ZC2HC1B: variants seen among roughly 807,000 people sequenced by gnomAD.
The protein encoded by ZC2HC1B is zinc finger C2HC-type containing 1B.
ZC2HC1B carries 36 observed loss-of-function variants against 31.0 expected under a neutral mutation model. That is an observed-to-expected ratio of 1.16 (90% CI 0.89 to 1.54). ZC2HC1B has a LOEUF of 1.54. ZC2HC1B is among the 40% of genes most tolerant of loss of function. The pLI, the probability that ZC2HC1B is intolerant of heterozygous loss-of-function variation, is 0.00. For synonymous variants in ZC2HC1B, 73 were observed against 88.0 expected (o/e 0.83, Z 0.95); for missense variants, 260 against 268.6 (o/e 0.97, Z 0.22).
In ZC2HC1B at chr6:143,885,074, T is replaced by C. The variant is rs1287870223; in HGVS notation, c.90+709T>C. Among the ~76,000 whole-genome samples, 1 of 152,142 alleles carries C rather than the reference T, an allele frequency of 6.6e-6. No individual in the cohort carries two copies. Among genetic ancestry groups the C allele is most frequent in the Non-Finnish European group, 1.5e-5 (1 of 68,032 alleles). ...TCAAAAAGAAAATCTAAGATGATAA[T>C]ACAGCTGTCAGTTGGGACATTTTAG... On this transcript the variant is annotated intron_variant, in intron 2 of 7. Transcript: ENST00000237275. The surrounding 1 kb of genome is among the most constrained non-coding windows in gnomAD (Gnocchi z 4.2).
At chr6:143,889,326 C>A (rs557789385) in intron 4 of ZC2HC1B, among the ~76,000 whole-genome samples, 1 of 151,946 alleles carries the variant, frequency 6.6e-6, no homozygotes, top group Non-Finnish European at 1.5e-5. Flanking sequence ...AGACAGATAA[C>A]AAGATGGTAG....
intron 1 of ZC2HC1B, among the ~76,000 whole-genome samples, chr6:143,882,830 A>G (rs1311275113): frequency 6.6e-6 from 1 of 152,038 alleles, no homozygotes. Flanking sequence ...TTTTCTTCCT[A>G]AGATGGCCCT....
chr6:143,898,012 T>TA (rs1396679516), intron 4 of ZC2HC1B, among the ~76,000 whole-genome samples: 3 of 152,230 alleles, frequency 2.0e-5, no homozygotes, highest in Non-Finnish European at 4.4e-5. Flanking sequence ...GTACATCACT[T>TA]AAACATTTCA....
intron 4 of ZC2HC1B, among the ~76,000 whole-genome samples, chr6:143,891,540 A>C (rs1348042799): frequency 6.6e-6 from 1 of 152,000 alleles, no homozygotes; most frequent in Non-Finnish European, 1.5e-5. Context: ...ATCTCTACTA[A>C]AAACACAAAA....
At position 143,885,119 on chromosome 6, in the gene ZC2HC1B, A is replaced by T. The variant is rs1777516156; in HGVS notation, c.90+754A>T. Among the ~76,000 whole-genome samples the T allele has an allele frequency of 6.6e-6, 1 of 152,218 alleles. No homozygotes were observed. Among genetic ancestry groups the T allele is most frequent in the African/African-American group, 2.4e-5 (1 of 41,448 alleles). The stretch of plus-strand genomic sequence containing the variant: ...TTTTAGATAAAGGAGACTTATCTGG[A>T]ACTTAAAGGATGTGGACTGTAAGCC... On this transcript the variant is annotated intron_variant, in intron 2 of 7. Transcript: ENST00000237275. This position sits in a 1 kb window ranked among gnomAD's most constrained non-coding sequence, Gnocchi z 4.2.
At chr6:143,900,959 C>T (rs1191149983) in intron 5 of ZC2HC1B, among the ~76,000 whole-genome samples, 3 of 151,896 alleles carry the variant, frequency 2.0e-5, no homozygotes, top group Admixed American at 1.3e-4. Flanking sequence ...CGGCCTCAGC[C>T]TCCCAAGTAG....
At chr6:143,878,674 A>G (rs957395943) in intron 1 of ZC2HC1B, among the ~76,000 whole-genome samples, 1 of 137,360 alleles carries the variant, frequency 7.3e-6, no homozygotes, top group Admixed American at 6.9e-5. Context: ...TTAAACAGAA[A>G]CATGCATAAA....
chr6:143,895,363 A>T lies in ZC2HC1B; in HGVS notation c.350-3189A>T, dbSNP rs1777653297. On this transcript the variant is annotated intron_variant, in intron 4 of 7. Coordinates refer to ENST00000237275, the MANE Select transcript of ZC2HC1B (RefSeq NM_001013623.3). The surrounding 1 kb of genome is among the most constrained non-coding windows in gnomAD (Gnocchi z 4.8). ...TTTTTAGTAGAGATGGGGTTTCATCATATTGGTCAGGCTGATCTTGAACTC... is the reference window on the plus strand; with the variant it reads ...TTTTTAGTAGAGATGGGGTTTCATCTTATTGGTCAGGCTGATCTTGAACTC... Among the ~76,000 whole-genome samples the T allele has an allele frequency of 6.6e-6, 1 of 152,136 alleles. No homozygotes were observed. Among genetic ancestry groups the T allele is most frequent in the Non-Finnish European group, 1.5e-5 (1 of 68,022 alleles).
intron 1 of ZC2HC1B, among the ~76,000 whole-genome samples, chr6:143,881,075 C>T (rs1265833742): frequency 1.3e-5 from 2 of 152,180 alleles, no homozygotes; most frequent in African/African-American, 4.8e-5. Context: ...GAATCACAAC[C>T]ACCTTCCACC....
At chr6:143,927,020 G>A (rs1312306322) in intron 6 of ZC2HC1B, among the ~76,000 whole-genome samples, 1 of 146,410 alleles carries the variant, frequency 6.8e-6, no homozygotes, top group South Asian at 2.2e-4. Flanking sequence ...GGATGGTCTC[G>A]ATCTCCTGAC....
In ZC2HC1B at chr6:143,887,399, G is replaced by A. The variant is rs1185161945; in HGVS notation, c.349+578G>A. Among the ~76,000 whole-genome samples, 2 of 152,050 alleles carry A rather than the reference G, an allele frequency of 1.3e-5. No homozygotes were observed. Among genetic ancestry groups the A allele is most frequent in the African/African-American group, 4.8e-5 (2 of 41,394 alleles). Reference sequence around the variant, plus strand: ...AGAACCATTTAAAAGTAAGTTCCAAGCATCATTAATACTTTAGCTATTTTA... The same window carrying A: ...AGAACCATTTAAAAGTAAGTTCCAAACATCATTAATACTTTAGCTATTTTA... On this transcript the variant is annotated intron_variant, in intron 4 of 7. Coordinates refer to ENST00000237275, the MANE Select transcript of ZC2HC1B (RefSeq NM_001013623.3). The surrounding 1 kb of genome is among the most constrained non-coding windows in gnomAD (Gnocchi z 5.1).
Position 143,871,748 on chromosome 6 carries a change from T to G in ZC2HC1B, c.28+7181T>G, listed in dbSNP as rs576136465. Among the ~76,000 whole-genome samples the G allele has an allele frequency of 3.9e-5, 6 of 152,338 alleles. No individual in the cohort carries two copies. In the East Asian group the frequency reaches 5.8e-4, roughly 15 times the overall value. ...TTACTATTTTTCTAGGTAAAGACAG[T>G]GCTTATGGCTTCCATTTGGCCTTTC... On this transcript the variant is annotated intron_variant, in intron 1 of 7. Coordinates refer to ENST00000237275, the MANE Select transcript of ZC2HC1B (RefSeq NM_001013623.3). This position sits in a 1 kb window ranked among gnomAD's most constrained non-coding sequence, Gnocchi z 4.1.
intron 6 of ZC2HC1B, among the ~76,000 whole-genome samples, chr6:143,932,447 G>T (rs2179950): frequency 0.51 from 77,768 of 151,978 alleles, 20,558 homozygotes; most frequent in African/African-American, 0.65. Flanking sequence ...TGATTCTATT[G>T]TGGAAACTTT....
chr6:143,899,751 C>G lies in ZC2HC1B; in HGVS notation c.489+1060C>G, dbSNP rs1055989672. On this transcript the variant is annotated intron_variant, in intron 5 of 7. Coordinates refer to ENST00000237275, the MANE Select transcript of ZC2HC1B (RefSeq NM_001013623.3). The surrounding 1 kb of genome is among the most constrained non-coding windows in gnomAD (Gnocchi z 5.0). ...GGGACCGTTTCCAACAAAAGCGGATCCCACAGACTGTGGATCCTGAGCGCT... is the reference window on the plus strand; with the variant it reads ...GGGACCGTTTCCAACAAAAGCGGATGCCACAGACTGTGGATCCTGAGCGCT... 2.7e-4 allele frequency among the ~76,000 whole-genome samples: 41 copies of G among 152,178 alleles called. No individual in the cohort carries two copies. The highest frequency in any genetic ancestry group is 9.7e-4 in the African/African-American group (40 of 41,428).
intron 1 of ZC2HC1B, among the ~76,000 whole-genome samples, chr6:143,878,446 C>G (rs1777432948): frequency 6.6e-6 from 1 of 150,472 alleles, no homozygotes. Flanking sequence ...CCACTGTACT[C>G]CAGCCTGGGT....
chr6:143,887,642 A>G lies in ZC2HC1B; in HGVS notation c.349+821A>G, dbSNP rs1777545795. ...TTAAATCTTGAACAATATCCCTACC[A>G]GGCTATTCACCTTTTAGAATGTCTC... On this transcript the variant is annotated intron_variant, in intron 4 of 7. Coordinates refer to ENST00000237275, the MANE Select transcript of ZC2HC1B (RefSeq NM_001013623.3). This position sits in a 1 kb window ranked among gnomAD's most constrained non-coding sequence, Gnocchi z 5.1. Among the ~76,000 whole-genome samples the G allele has an allele frequency of 6.6e-6, 1 of 152,126 alleles. No individual in the cohort carries two copies. Among genetic ancestry groups the G allele is most frequent in the Non-Finnish European group, 1.5e-5 (1 of 68,022 alleles).
At chr6:143,930,631 C>G (rs1466463842) in intron 6 of ZC2HC1B, among the ~76,000 whole-genome samples, 3 of 152,094 alleles carry the variant, frequency 2.0e-5, no homozygotes, top group African/African-American at 7.2e-5. Flanking sequence ...CCTGCCTCGG[C>G]CTCCCAAAGT....
At position 143,869,070 on chromosome 6, in the gene ZC2HC1B, T is replaced by A. The variant is rs1469382955; in HGVS notation, c.28+4503T>A. 6.6e-6 allele frequency among the ~76,000 whole-genome samples: 1 copy of A among 152,218 alleles called. No individual in the cohort carries two copies. The highest frequency in any genetic ancestry group is 1.5e-5 in the Non-Finnish European group (1 of 68,044). On this transcript the variant is annotated intron_variant, in intron 1 of 7. Coordinates refer to ENST00000237275, the MANE Select transcript of ZC2HC1B (RefSeq NM_001013623.3). This position sits in a 1 kb window ranked among gnomAD's most constrained non-coding sequence, Gnocchi z 5.2. ...CTACTACCCATTCTGTATTCCCTTTTTCTTCAGCAAGCACCTCAGCAGGTC... is the reference window on the plus strand; with the variant it reads ...CTACTACCCATTCTGTATTCCCTTTATCTTCAGCAAGCACCTCAGCAGGTC...
chr6:143,936,142 G>A (rs1393800142), intron 6 of ZC2HC1B, among the ~76,000 whole-genome samples: 1 of 152,130 alleles, frequency 6.6e-6, no homozygotes, highest in Non-Finnish European at 1.5e-5. Flanking sequence ...ACACATGTGT[G>A]TACAAGTCAA....
Sources: gnomAD v4.1 joint callset for allele counts (sites outside exome capture counted in the v4.1 genomes callset) on GRCh38, gnomAD v4.1.1 for gene constraint, Gnocchi (gnomAD v3.1) non-coding constraint, MANE v1.5 for transcripts, NCBI Gene and HGNC (gene_info 2026-07-23, HGNC 2026-07-21) for gene names.